The following TTC28 variants were observed in gnomAD, a reference collection of about 807,000 sequenced individuals.
TTC28 encodes the protein tetratricopeptide repeat protein 28.
A neutral mutation model predicts 198.0 loss-of-function variants in TTC28; 61 were observed. The observed-to-expected ratio is 0.31, with a 90% CI of 0.25 to 0.38. TTC28 has a LOEUF of 0.38. Ranked by LOEUF, TTC28 falls within the 10% of genes least tolerant of loss-of-function variation. The pLI, the probability that TTC28 is intolerant of heterozygous loss-of-function variation, is 1.00. For missense variants in TTC28, 2,678 were observed against 3,164.0 expected, an observed-to-expected ratio of 0.85 and a Z score of 3.69; for synonymous variants, 1,171 against 1,297.8, an observed-to-expected ratio of 0.90 and a Z score of 2.10.
chr22:28,065,815 G>A (rs1940724962), intron 12 of TTC28, among the ~76,000 whole-genome samples: 1 of 152,198 alleles, frequency 6.6e-6, no homozygotes, highest in Admixed American at 6.5e-5. Context: ...ATGTGAGAAA[G>A]GTTTAGAGAA....
chr22:28,001,249 T>TA (rs1225459988), intron 15 of TTC28, 125 bp downstream of exon 15: 9 of 1,280,178 alleles, frequency 7.0e-6, no homozygotes, highest in Middle Eastern at 2.8e-4. Flanking sequence ...GTGCAAATCA[T>TA]AAAATCAACA....
At chr22:28,039,587 T>G (rs1939525485) in intron 12 of TTC28, among the ~76,000 whole-genome samples, 1 of 151,968 alleles carries the variant, frequency 6.6e-6, no homozygotes, top group Non-Finnish European at 1.5e-5. Context: ...AGTTAATGGG[T>G]GCAGCACACC....
intron 2 of TTC28, among the ~76,000 whole-genome samples, chr22:28,561,667 G>A (rs1431762315): frequency 6.6e-6 from 1 of 152,122 alleles, no homozygotes; most frequent in African/African-American, 2.4e-5. Context: ...AACCCATTGT[G>A]ATATGGTTCC....
chr22:28,194,382 C>A (rs1392163701), intron 5 of TTC28, among the ~76,000 whole-genome samples: 3 of 152,008 alleles, frequency 2.0e-5, no homozygotes, highest in African/African-American at 7.3e-5. Flanking sequence ...ACTGGAGAAG[C>A]AAGAGCAAAC....
Position 28,646,178 on chromosome 22 carries a change from C to T in TTC28, c.103-16348G>A, listed in dbSNP as rs563502165. On this transcript the variant is annotated intron_variant, in intron 1 of 22. Coordinates refer to ENST00000397906, the MANE Select transcript of TTC28 (RefSeq NM_001145418.2). ...GCATACCTGGAGGACCATGAAAACTCCTCCAAAGGACTCCTAGATTTGATA... is the reference window on the plus strand; with the variant it reads ...GCATACCTGGAGGACCATGAAAACTTCTCCAAAGGACTCCTAGATTTGATA... Among the ~76,000 whole-genome samples the T allele has an allele frequency of 2.6e-5, 4 of 152,208 alleles. No individual in the cohort carries two copies. In the South Asian group the frequency reaches 8.3e-4, roughly 32 times the overall value.
At chr22:28,550,722 A>C (rs1216716363) in intron 2 of TTC28, among the ~76,000 whole-genome samples, 1 of 152,180 alleles carries the variant, frequency 6.6e-6, no homozygotes, top group East Asian at 1.9e-4. Context: ...ACTGCAGCAA[A>C]ACATTTGATT....
At chr22:28,115,558 A>C (rs979045782) in intron 6 of TTC28, among the ~76,000 whole-genome samples, 1 of 152,270 alleles carries the variant, frequency 6.6e-6, no homozygotes, top group Non-Finnish European at 1.5e-5. Flanking sequence ...AGAGAAGTAC[A>C]CATTAGATAC....
chr22:28,504,372 T>C (rs1278447925), intron 2 of TTC28, among the ~76,000 whole-genome samples: 1 of 152,240 alleles, frequency 6.6e-6, no homozygotes, highest in African/African-American at 2.4e-5. Flanking sequence ...TGTGTGTGTG[T>C]CTGTTTGTGT....
intron 12 of TTC28, among the ~76,000 whole-genome samples, chr22:28,035,486 C>T (rs1163264974): frequency 6.6e-6 from 1 of 152,194 alleles, no homozygotes; most frequent in African/African-American, 2.4e-5. Context: ...TCTGAAAGGC[C>T]AGGTCTAACT....
chr22:28,072,690 C>T (rs1196319504), intron 12 of TTC28, among the ~76,000 whole-genome samples: 2 of 152,100 alleles, frequency 1.3e-5, no homozygotes, highest in Admixed American at 1.3e-4. Context: ...AAAATGATGC[C>T]CCAGCGAATA....
At chr22:28,410,837 A>G (rs2047069574) in intron 2 of TTC28, among the ~76,000 whole-genome samples, 1 of 152,238 alleles carries the variant, frequency 6.6e-6, no homozygotes, top group Admixed American at 6.5e-5. Context: ...AAATAACATG[A>G]ATTTATAAGG....
At chr22:28,606,317 C>T (rs2146134804) in intron 2 of TTC28, among the ~76,000 whole-genome samples, 1 of 152,138 alleles carries the variant, frequency 6.6e-6, no homozygotes, top group Middle Eastern at 3.4e-3. Flanking sequence ...TCTCGAACCC[C>T]TGACCTCGCG....
chr22:28,257,251 T>C (rs142423212), intron 5 of TTC28, among the ~76,000 whole-genome samples: 33 of 152,172 alleles, frequency 2.2e-4, no homozygotes, highest in South Asian at 8.3e-4. Flanking sequence ...CACTATTGGG[T>C]ATATATCCAA....
intron 5 of TTC28, among the ~76,000 whole-genome samples, chr22:28,288,874 T>C (rs1360717994): frequency 6.6e-6 from 1 of 151,766 alleles, no homozygotes; most frequent in Non-Finnish European, 1.5e-5. Context: ...AGAGCCAAAA[T>C]TCAAGCCCAA....
intron 2 of TTC28, among the ~76,000 whole-genome samples, chr22:28,431,332 T>G (rs1480698083): frequency 6.6e-6 from 1 of 152,202 alleles, no homozygotes; most frequent in Admixed American, 6.5e-5. Flanking sequence ...ATTGAAACAG[T>G]CTCTAAAATA....
In TTC28 at chr22:28,545,387, T is replaced by C. The variant is rs528614077; in HGVS notation, c.381+84165A>G. ...GAGTTCAAGACTAGCCTGGGCAACA[T>C]AGTGAGACCCTGTCTCTACAAAAAA... On this transcript the variant is annotated intron_variant, in intron 2 of 22. Transcript: ENST00000397906. Among the ~76,000 whole-genome samples the C allele has an allele frequency of 2.6e-5, 4 of 152,000 alleles. 1 individual carries two copies. The South Asian group carries it at 8.3e-4, about 32-fold the overall frequency.
intron 1 of TTC28, among the ~76,000 whole-genome samples, chr22:28,644,382 GA>G (rs1353720905): frequency 8.0e-6 from 1 of 124,342 alleles, no homozygotes; most frequent in African/African-American, 3.2e-5. Context: ...CTGGGCGACA[GA>G]GCAAGACTCC....
chr22:28,079,061 T>C (rs1349487321), intron 12 of TTC28, among the ~76,000 whole-genome samples: 1 of 152,146 alleles, frequency 6.6e-6, no homozygotes, highest in Non-Finnish European at 1.5e-5. Context: ...GGCATACAGG[T>C]CAGCATAAGG....
chr22:27,983,922 T>G (rs1372232175), intron 22 of TTC28, 71 bp from the exon 23 acceptor site: 6 of 1,451,178 alleles, frequency 4.1e-6, no homozygotes, highest in Non-Finnish European at 5.5e-6. Context: ...TTTCAAAATT[T>G]ACGACATCTT....
Sources: gnomAD v4.1 joint callset for allele counts (sites outside exome capture counted in the v4.1 genomes callset) on GRCh38, gnomAD v4.1.1 for gene constraint, MANE v1.5 for transcripts, NCBI Gene and HGNC (gene_info 2026-07-23, HGNC 2026-07-21) for gene names.